The following DYRK1A variants were observed in gnomAD, a reference collection of about 807,000 sequenced individuals.
The protein encoded by DYRK1A is dual specificity tyrosine phosphorylation regulated kinase 1A.
Under a neutral mutation model 79.7 loss-of-function variants are expected in DYRK1A, and 9 were observed. The ratio of observed to expected loss-of-function variants is 0.11; its 90% confidence interval spans 0.07 to 0.20. The LOEUF (loss-of-function observed/expected upper bound fraction) is 0.20. Among genes scored for constraint, DYRK1A ranks in the 10% least tolerant of loss-of-function variants. The pLI, the probability that DYRK1A is intolerant of heterozygous loss-of-function variation, is 1.00. For synonymous variants in DYRK1A, 349 were observed against 329.7 expected, an observed-to-expected ratio of 1.06 and a Z score of -0.63; for missense variants, 622 against 956.0, an observed-to-expected ratio of 0.65 and a Z score of 4.61.
At chr21:37,408,221 G>C (rs2050183461) in intron 1 of DYRK1A, among the ~76,000 whole-genome samples, 1 of 152,136 alleles carries the variant, frequency 6.6e-6, no homozygotes, top group African/African-American at 2.4e-5. Context: ...ATTTCTTTTA[G>C]TTAGCTGCTT....
Position 37,513,992 on chromosome 21 carries a change from G to C in DYRK1A, c.*1461G>C, listed in dbSNP as rs1420934724. The C allele has an allele frequency of 1.3e-5, 2 of 152,612 alleles. No homozygotes were observed. Among genetic ancestry groups the C allele is most frequent in the African/African-American group, 4.8e-5 (2 of 41,432 alleles). 9.5% of individuals were successfully genotyped at this position (152,612 alleles called of 1,614,324 possible). ...TGAATCCATAGCCAATACATTTACA[G>C]CAATCTGTGTACTGAACATAGTAGA... On this transcript the variant is annotated 3_prime_UTR_variant, in exon 12 of 12. Coordinates refer to ENST00000647188, the MANE Select transcript of DYRK1A (RefSeq NM_001347721.2).
At chr21:37,471,586 A>G (rs556012974) in intron 2 of DYRK1A, among the ~76,000 whole-genome samples, 10 of 152,362 alleles carry the variant, frequency 6.6e-5, no homozygotes, top group Admixed American at 2.0e-4. Flanking sequence ...CCTTCATAAC[A>G]ACCTTTTCAG....
At chr21:37,463,092 G>A (rs2186338) in intron 2 of DYRK1A, among the ~76,000 whole-genome samples, 7,120 of 151,832 alleles carry the variant, frequency 0.047, 223 homozygotes, top group Middle Eastern at 0.14. Flanking sequence ...TTTTATTTAC[G>A]TCTTATATGA....
intron 4 of DYRK1A, among the ~76,000 whole-genome samples, chr21:37,479,955 G>A (rs1170362230): frequency 6.6e-6 from 1 of 152,032 alleles, no homozygotes; most frequent in Non-Finnish European, 1.5e-5. Flanking sequence ...AAATAACTCA[G>A]CCTGTGATTA....
chr21:37,426,706 C>T lies in DYRK1A; in HGVS notation c.10+6322C>T, dbSNP rs1310261293. 6.0e-5 allele frequency among the ~76,000 whole-genome samples: 9 copies of T among 149,260 alleles called. No individual in the cohort carries two copies. The East Asian group carries it at 9.9e-4, about 16-fold the overall frequency. On this transcript the variant is annotated intron_variant, in intron 2 of 11. Transcript: ENST00000647188. ...CGGGCAGATCACGAGGTCAGGAGAT[C>T]GAGACCATCCTGGCTAACATGGTGA... is the stretch of plus-strand genomic sequence containing the variant.
At chr21:37,470,752 C>T (rs2052194402) in intron 2 of DYRK1A, among the ~76,000 whole-genome samples, 1 of 152,206 alleles carries the variant, frequency 6.6e-6, no homozygotes. Context: ...TTACAAACAA[C>T]ACCAGGATAA....
chr21:37,415,094 C>T (rs745963732), intron 1 of DYRK1A, among the ~76,000 whole-genome samples: 8 of 152,152 alleles, frequency 5.3e-5, no homozygotes, highest in Non-Finnish European at 8.8e-5. Context: ...CTGTTTTCCT[C>T]TATTTGTTGG....
intron 1 of DYRK1A, among the ~76,000 whole-genome samples, chr21:37,395,969 C>G (rs1362674203): frequency 6.6e-6 from 1 of 152,168 alleles, no homozygotes; most frequent in African/African-American, 2.4e-5. Flanking sequence ...CTTTTATATG[C>G]CACACAAAAC....
intron 2 of DYRK1A, 68 bp downstream of exon 2, chr21:37,420,452 A>G (rs1442905747): frequency 2.0e-6 from 3 of 1,523,414 alleles, no homozygotes; most frequent in Non-Finnish European, 1.8e-6. Context: ...GTCTATTTTG[A>G]ATGGGGGAGG....
chr21:37,416,815 T>A (rs2050351141), intron 1 of DYRK1A, among the ~76,000 whole-genome samples: 1 of 151,986 alleles, frequency 6.6e-6, no homozygotes. Flanking sequence ...GTATTTTATC[T>A]TTTCATATGG....
At chr21:37,420,095 C>A (rs2148426830) in intron 1 of DYRK1A, 2 of 251,014 alleles carry the variant, frequency 8.0e-6, no homozygotes, top group Non-Finnish European at 1.5e-5. Context: ...TTTTCTCTGA[C>A]AATTGAATAT....
intron 2 of DYRK1A, chr21:37,421,755 G>A (rs1383464770): frequency 6.6e-6 from 1 of 152,108 alleles, no homozygotes; most frequent in Non-Finnish European, 1.5e-5. Context: ...GATTTTATAA[G>A]TTTGACCTTT....
Position 37,449,549 on chromosome 21 carries a change from C to G in DYRK1A, c.11-23135C>G, listed in dbSNP as rs1440110315. ...TCTGTTGACATTTCATTGGCTTGGT[C>G]TTAGTCACGTGGCCATGCTAACTGC... On this transcript the variant is annotated intron_variant, in intron 2 of 11. Transcript: ENST00000647188. Among the ~76,000 whole-genome samples, 4 of 152,110 alleles carry G rather than the reference C, an allele frequency of 2.6e-5. No individual in the cohort carries two copies. The South Asian group carries it at 6.2e-4, about 24-fold the overall frequency.
At chr21:37,403,349 TTAACATCTGTTC>T (rs2148403577) in intron 1 of DYRK1A, among the ~76,000 whole-genome samples, 1 of 152,304 alleles carries the variant, frequency 6.6e-6, no homozygotes, top group African/African-American at 2.4e-5. Context: ...GCTGCTAAAT[TTAACATCTGTTC>T]TAACATGGGG....
At chr21:37,382,680 C>T (rs2049681326) in intron 1 of DYRK1A, among the ~76,000 whole-genome samples, 1 of 152,112 alleles carries the variant, frequency 6.6e-6, no homozygotes, top group Admixed American at 6.5e-5. Flanking sequence ...GTAACAGTAA[C>T]AATAGCTACT....
intron 1 of DYRK1A, among the ~76,000 whole-genome samples, chr21:37,400,334 A>C (rs1238304964): frequency 2.0e-5 from 3 of 152,112 alleles, no homozygotes. Context: ...TTTTCCCCCA[A>C]ATCATAAAAC....
At chr21:37,459,758 T>A (rs550289326) in intron 2 of DYRK1A, among the ~76,000 whole-genome samples, 1 of 152,212 alleles carries the variant, frequency 6.6e-6, no homozygotes, top group South Asian at 2.1e-4. Flanking sequence ...TGTGTTGTTA[T>A]ATGGATTCTG....
chr21:37,431,359 C>A (rs2050769487), intron 2 of DYRK1A, among the ~76,000 whole-genome samples: 1 of 152,202 alleles, frequency 6.6e-6, no homozygotes, highest in Non-Finnish European at 1.5e-5. Flanking sequence ...GTTTTAAGAG[C>A]TGGGTGGCCT....
chr21:37,458,907 G>A (rs2051748707), intron 2 of DYRK1A, among the ~76,000 whole-genome samples: 1 of 152,190 alleles, frequency 6.6e-6, no homozygotes, highest in African/African-American at 2.4e-5. Flanking sequence ...CTGGGAGGAA[G>A]GAAGAGAAGC....
Sources: gnomAD v4.1 joint callset for allele counts (sites outside exome capture counted in the v4.1 genomes callset) on GRCh38, gnomAD v4.1.1 for gene constraint, MANE v1.5 for transcripts, NCBI Gene and HGNC (gene_info 2026-07-23, HGNC 2026-07-21) for gene names.